Variants in DISC1 observed in about 807,000 individuals in gnomAD.
DISC1 encodes disrupted in schizophrenia 1 protein.
In DISC1, 57 loss-of-function variants were observed where a neutral mutation model predicts 84.5. The ratio of observed to expected loss-of-function variants is 0.67; its 90% CI spans 0.55 to 0.84. The LOEUF (loss-of-function observed/expected upper bound fraction) is 0.84. DISC1 is among the 40% of genes least tolerant of loss of function. The probability of loss-of-function intolerance (pLI) is 0.00; values close to 1 mark genes in which losing one functional copy is unlikely to be tolerated. For synonymous variants in DISC1, 411 were observed against 415.2 expected (o/e 0.99, Z 0.12); for missense variants, 1,000 against 1,057.8 (o/e 0.95, Z 0.76).
intron 3 of DISC1, among the ~76,000 whole-genome samples, chr1:231,725,039 T>C (rs573052225): frequency 1.3e-5 from 2 of 152,132 alleles, no homozygotes; most frequent in Admixed American, 1.3e-4. Flanking sequence ...AGTGAGTCAC[T>C]CCCTCGTGGC....
chr1:231,885,935 A>C (rs996909234), intron 9 of DISC1, among the ~76,000 whole-genome samples: 1 of 152,228 alleles, frequency 6.6e-6, no homozygotes, highest in Non-Finnish European at 1.5e-5. Context: ...TATAAAGAGC[A>C]GAAACATATT....
At chr1:232,017,265 A>T (rs922940088) in intron 11 of DISC1, among the ~76,000 whole-genome samples, 2 of 152,188 alleles carry the variant, frequency 1.3e-5, no homozygotes, top group Admixed American at 6.5e-5. Flanking sequence ...GGGTAATCAC[A>T]TCTGGTTTAC....
chr1:232,038,697 C>G lies in DISC1; in HGVS notation c.*1866C>G, dbSNP rs187957550. The G allele has an allele frequency of 6.6e-6, 1 of 152,186 alleles. No individual in the cohort carries two copies. The highest frequency in any genetic ancestry group is 1.5e-5 in the Non-Finnish European group (1 of 68,048). 9.4% of individuals were successfully genotyped at this position (152,186 alleles called of 1,614,324 possible). On this transcript the variant is annotated 3_prime_UTR_variant, in exon 13 of 13. Transcript: ENST00000439617. Reference sequence around the variant, plus strand: ...CATCACTTTAGAAACCACACTCACACTTTTGCAGAGTGTTGAGCTTAATAA... The same window carrying G: ...CATCACTTTAGAAACCACACTCACAGTTTTGCAGAGTGTTGAGCTTAATAA...
At chr1:231,896,569 C>A (rs1006385800) in intron 9 of DISC1, among the ~76,000 whole-genome samples, 1 of 152,082 alleles carries the variant, frequency 6.6e-6, no homozygotes, top group South Asian at 2.1e-4. Context: ...AGAAAGTGGG[C>A]TAAAGCACTA....
intron 1 of DISC1, among the ~76,000 whole-genome samples, chr1:231,664,508 T>C (rs2061842234): frequency 6.6e-6 from 1 of 152,094 alleles, no homozygotes; most frequent in African/African-American, 2.4e-5. Flanking sequence ...TTGCTATCCA[T>C]GTGAACCCAA....
At chr1:231,682,550 GAGAGGTT>G (rs2063796264) in intron 1 of DISC1, among the ~76,000 whole-genome samples, 1 of 152,210 alleles carries the variant, frequency 6.6e-6, no homozygotes. Context: ...GGAAGCAACA[GAGAGGTT>G]AGTCACCTGA....
intron 3 of DISC1, among the ~76,000 whole-genome samples, chr1:231,749,076 G>T (rs367668877): frequency 6.6e-6 from 1 of 152,202 alleles, no homozygotes; most frequent in Non-Finnish European, 1.5e-5. Flanking sequence ...CTGAGCAGGG[G>T]ATACAGGGCT....
intron 4 of DISC1, among the ~76,000 whole-genome samples, chr1:231,754,579 C>T (rs2074937341): frequency 6.6e-6 from 1 of 152,224 alleles, no homozygotes; most frequent in Admixed American, 6.5e-5. Context: ...CCACCTCCAA[C>T]ATTGGGGATT....
At chr1:232,034,134 A>T (rs1249776181) in intron 12 of DISC1, among the ~76,000 whole-genome samples, 1 of 152,090 alleles carries the variant, frequency 6.6e-6, no homozygotes, top group Admixed American at 6.6e-5. Flanking sequence ...TGTGATTTTA[A>T]TTATTATTTT....
intron 6 of DISC1, among the ~76,000 whole-genome samples, chr1:231,788,804 G>A (rs2078087734): frequency 6.6e-6 from 1 of 152,136 alleles, no homozygotes; most frequent in African/African-American, 2.4e-5. Flanking sequence ...AGGGGGCAGT[G>A]GTGGGAAATG....
intron 1 of DISC1, among the ~76,000 whole-genome samples, chr1:231,660,032 A>C (rs1260049543): frequency 6.6e-6 from 1 of 152,038 alleles, no homozygotes; most frequent in Non-Finnish European, 1.5e-5. Context: ...ATCTTTATTA[A>C]TTTTCTGTCT....
At chr1:231,658,820 G>C (rs2061346621) in intron 1 of DISC1, among the ~76,000 whole-genome samples, 1 of 152,180 alleles carries the variant, frequency 6.6e-6, no homozygotes, top group African/African-American at 2.4e-5. Context: ...GTATCCTGGA[G>C]ATGAAGCCAA....
At chr1:231,664,088 A>G (rs1000606013) in intron 1 of DISC1, among the ~76,000 whole-genome samples, 1 of 150,860 alleles carries the variant, frequency 6.6e-6, no homozygotes, top group South Asian at 2.1e-4. Context: ...CCGTCTATCT[A>G]TGTCTAGCTT....
intron 1 of DISC1, among the ~76,000 whole-genome samples, chr1:231,689,352 A>G (rs1280079617): frequency 6.6e-6 from 1 of 151,328 alleles, no homozygotes; most frequent in Non-Finnish European, 1.5e-5. Context: ...TTTTTTTGAG[A>G]CAAGAGTCTT....
intron 10 of DISC1, among the ~76,000 whole-genome samples, chr1:231,967,454 T>A (rs1444778721): frequency 6.6e-6 from 1 of 152,262 alleles, no homozygotes; most frequent in Admixed American, 6.5e-5. Flanking sequence ...TATGTAGTAA[T>A]ACATGTATAC....
rs914328807 is a variant in DISC1 at position 231,969,813 on chromosome 1, T to C, written c.2042+10925T>C. Among the ~76,000 whole-genome samples, 8 of 151,890 alleles carry C rather than the reference T, an allele frequency of 5.3e-5. 1 individual carries two copies. The highest frequency in any genetic ancestry group is 1.9e-4 in the African/African-American group (8 of 41,406). On this transcript the variant is annotated intron_variant, in intron 10 of 12. Transcript: ENST00000439617. ...CCCTTCCTGTGTCCAAGTGTTCTCA[T>C]TGTTCAATTCCCACCCATGAGTGAG...
At chr1:231,688,757 T>G (rs1451691967) in intron 1 of DISC1, among the ~76,000 whole-genome samples, 1 of 152,198 alleles carries the variant, frequency 6.6e-6, no homozygotes. Context: ...GCAGGGATGG[T>G]GTCTTGTTTA....
rs2063073401 is a variant in DISC1, at chr1:231,675,679, C to G, written c.68-18147C>G. Among the ~76,000 whole-genome samples the G allele has an allele frequency of 6.6e-6, 1 of 152,048 alleles. No homozygotes were observed. Among genetic ancestry groups the G allele is most frequent in the Non-Finnish European group, 1.5e-5 (1 of 68,000 alleles). ...GGCCCATGTGCGCCATTGCCCTTAT[C>G]CCTTGGGGGCTCTCTGGATGAGGGC... On this transcript the variant is annotated intron_variant, in intron 1 of 12. Transcript: ENST00000439617. The surrounding 1 kb of genome is among the most constrained non-coding windows in gnomAD (Gnocchi z 4.1).
At chr1:231,860,360 T>G in intron 9 of DISC1, among the ~76,000 whole-genome samples, 1 of 152,146 alleles carries the variant, frequency 6.6e-6, no homozygotes, top group African/African-American at 2.4e-5. Context: ...TATTTGCTTA[T>G]TTACCTGTTG....
Sources: allele counts gnomAD v4.1 joint callset (sites outside exome capture counted in the v4.1 genomes callset), GRCh38; gene constraint gnomAD v4.1.1; non-coding constraint Gnocchi (gnomAD v3.1); transcripts MANE v1.5; gene names NCBI Gene and HGNC (gene_info 2026-07-23, HGNC 2026-07-21).